Variants in SPECC1 observed in about 807,000 individuals in gnomAD.
The protein encoded by SPECC1 is cytospin-B.
In SPECC1, 62 loss-of-function variants were observed where a neutral mutation model predicts 104.1. The ratio of observed to expected loss-of-function variants is 0.60; its 90% CI spans 0.49 to 0.74. The LOEUF (loss-of-function observed/expected upper bound fraction) is 0.74. Among genes scored for constraint, SPECC1 ranks in the 30% least tolerant of loss-of-function variants. The pLI is 0.00. For missense variants in SPECC1, 1,306 were observed against 1,310.5 expected, an observed-to-expected ratio of 1.00 and a Z score of 0.05; for synonymous variants, 513 against 501.6, an observed-to-expected ratio of 1.02 and a Z score of -0.30.
intron 1 of SPECC1, among the ~76,000 whole-genome samples, chr17:20,096,397 C>A (rs1194227577): frequency 6.6e-6 from 1 of 152,080 alleles, no homozygotes; most frequent in Non-Finnish European, 1.5e-5. Flanking sequence ...GTCAGGACAT[C>A]AGTAATGTGG....
chr17:20,094,029 A>T (rs534926363), intron 1 of SPECC1, among the ~76,000 whole-genome samples: 4 of 152,080 alleles, frequency 2.6e-5, no homozygotes, highest in African/African-American at 7.2e-5. Flanking sequence ...CTCCCAGCCT[A>T]TATTGTATAT....
intron 1 of SPECC1, among the ~76,000 whole-genome samples, chr17:20,088,378 G>C (rs946487615): frequency 6.6e-6 from 1 of 152,174 alleles, no homozygotes; most frequent in Non-Finnish European, 1.5e-5. Flanking sequence ...TAGGCAAGAA[G>C]GGGCAAGAGC....
At chr17:20,265,538 G>C (rs1056350603) in intron 12 of SPECC1, among the ~76,000 whole-genome samples, 10 of 152,148 alleles carry the variant, frequency 6.6e-5, no homozygotes, top group Non-Finnish European at 1.2e-4. Context: ...CCCATTCTAT[G>C]GGTTGTCTGT....
At chr17:20,137,064 G>T (rs1407928817) in intron 3 of SPECC1, among the ~76,000 whole-genome samples, 1 of 152,202 alleles carries the variant, frequency 6.6e-6, no homozygotes, top group East Asian at 1.9e-4. Context: ...TTCACCATCG[G>T]AAACCACTCA....
intron 1 of SPECC1, among the ~76,000 whole-genome samples, chr17:20,018,668 A>C (rs2044246153): frequency 6.6e-6 from 1 of 152,248 alleles, no homozygotes; most frequent in South Asian, 2.1e-4. Flanking sequence ...AATTTATTAC[A>C]GTGAAAGGAT....
At chr17:20,236,050 C>G (rs2038890886) in intron 7 of SPECC1, among the ~76,000 whole-genome samples, 1 of 152,194 alleles carries the variant, frequency 6.6e-6, no homozygotes, top group Non-Finnish European at 1.5e-5. Flanking sequence ...CTCCAGCTAC[C>G]ATGGAGAGGG....
At chr17:20,149,528 A>G (rs1302317880) in intron 3 of SPECC1, among the ~76,000 whole-genome samples, 1 of 152,256 alleles carries the variant, frequency 6.6e-6, no homozygotes, top group East Asian at 1.9e-4. Flanking sequence ...GTGTTGTCAC[A>G]GCTCATTGCT....
rs556766395 is a variant in SPECC1 at position 20,315,297 on chromosome 17, A to G, written c.*1232A>G. 1 of 221,758 alleles carries G rather than the reference A, an allele frequency of 4.5e-6. No individual in the cohort carries two copies. The highest frequency in any genetic ancestry group is 1.8e-4 in the South Asian group (1 of 5,456). 13.7% of individuals were successfully genotyped at this position (221,758 alleles called of 1,614,324 possible). A position where few individuals can be genotyped will look rare whatever the true frequency, so the allele number is the denominator to read the frequency against. ...GTGAGGGCACATTTATAACTAACAAAGAAGAATGCAGTTGCCCCAGCATCC... is the reference window on the plus strand; with the variant it reads ...GTGAGGGCACATTTATAACTAACAAGGAAGAATGCAGTTGCCCCAGCATCC... On this transcript the variant is annotated 3_prime_UTR_variant, in exon 15 of 15. Coordinates refer to ENST00000395527, the MANE Select transcript of SPECC1 (RefSeq NM_001243439.2).
chr17:20,306,793 A>T (rs746917429), intron 14 of SPECC1, among the ~76,000 whole-genome samples: 38 of 152,252 alleles, frequency 2.5e-4, no homozygotes, highest in Non-Finnish European at 1.9e-4. Flanking sequence ...TCTTAGATGC[A>T]GGAAGCCCCT....
At chr17:20,222,004 G>A (rs2037905725) in intron 4 of SPECC1, among the ~76,000 whole-genome samples, 2 of 148,276 alleles carry the variant, frequency 1.3e-5, no homozygotes, top group Admixed American at 6.8e-5. Flanking sequence ...GAAGATACCT[G>A]ATATGATTTC....
rs1432932758 is a variant in SPECC1 at position 20,110,179 on chromosome 17, T to C, written c.148-248T>C. The stretch of plus-strand genomic sequence containing the variant: ...TTACTTGAAGTGTGACCTGATGGTA[T>C]TCTTCACGCACAGTCTTAGACACTG... On this transcript the variant is annotated intron_variant, in intron 2 of 14. Transcript: ENST00000395527. Among the ~76,000 whole-genome samples the C allele has an allele frequency of 2.6e-5, 4 of 152,222 alleles. No individual in the cohort carries two copies. In the South Asian group the frequency reaches 8.3e-4, roughly 32 times the overall value.
At position 20,107,462 on chromosome 17, in the gene SPECC1, C is replaced by CTT. The variant is rs201566147; in HGVS notation, c.148-2950_148-2949dup. Among the ~76,000 whole-genome samples the CTT allele has an allele frequency of 1.5e-3, 202 of 132,126 alleles. 3 individuals carry two copies. Among genetic ancestry groups the CTT allele is most frequent in the African/African-American group, 5.0e-3 (182 of 36,302 alleles). 86.7% of individuals were successfully genotyped at this position (132,126 alleles called of 152,430 possible). A position where few individuals can be genotyped will look rare whatever the true frequency, so the allele number is the denominator to read the frequency against. On this transcript the variant is annotated intron_variant, in intron 2 of 14. Transcript: ENST00000395527. ...TGTCTCTTCTTTTCTTTTCTTTTTTCTTTTTTTTTTTTTTTTGAGATGGAT... is the reference window on the plus strand; with the variant it reads ...TGTCTCTTCTTTTCTTTTCTTTTTTCTTTTTTTTTTTTTTTTTTGAGATGGAT...
chr17:20,221,424 C>T (rs1258959715), intron 4 of SPECC1, among the ~76,000 whole-genome samples: 1 of 152,122 alleles, frequency 6.6e-6, no homozygotes, highest in Non-Finnish European at 1.5e-5. Flanking sequence ...TCCATTTCTT[C>T]TAGGTTTTCC....
chr17:20,081,848 C>G (rs537403447), intron 1 of SPECC1, among the ~76,000 whole-genome samples: 1 of 152,220 alleles, frequency 6.6e-6, no homozygotes, highest in East Asian at 1.9e-4. Flanking sequence ...ATCAACAAAC[C>G]TTTGCTGCCC....
chr17:20,058,835 CTTTTTTTT>C (rs58811372), intron 1 of SPECC1, among the ~76,000 whole-genome samples: 9 of 103,572 alleles, frequency 8.7e-5, no homozygotes, highest in Non-Finnish European at 1.8e-4. Flanking sequence ...CACTTTATTT[CTTTTTTTT>C]TTTTTTTTTT....
chr17:20,048,963 T>C (rs2152459360), intron 1 of SPECC1, among the ~76,000 whole-genome samples: 1 of 152,086 alleles, frequency 6.6e-6, no homozygotes, highest in Non-Finnish European at 1.5e-5. Context: ...TATATTACAG[T>C]ATATAAAATT....
At chr17:20,279,373 A>G (rs1255602656) in intron 12 of SPECC1, among the ~76,000 whole-genome samples, 1 of 129,514 alleles carries the variant, frequency 7.7e-6, no homozygotes. Flanking sequence ...CCCAGGCTGG[A>G]GTGCAATGGT....
intron 9 of SPECC1, among the ~76,000 whole-genome samples, chr17:20,250,599 T>A (rs1326837787): frequency 6.6e-6 from 1 of 152,216 alleles, no homozygotes; most frequent in Non-Finnish European, 1.5e-5. Flanking sequence ...ATAATTTATA[T>A]CTTTTCCTTA....
At chr17:20,019,208 A>G (rs2044270569) in intron 1 of SPECC1, among the ~76,000 whole-genome samples, 1 of 15,764 alleles carries the variant, frequency 6.3e-5, no homozygotes, top group African/African-American at 2.0e-4. Context: ...AGACCCTATC[A>G]TTCATTTATT....
Sources: gnomAD v4.1 joint callset for allele counts (sites outside exome capture counted in the v4.1 genomes callset) on GRCh38, gnomAD v4.1.1 for gene constraint, MANE v1.5 for transcripts, NCBI Gene and HGNC (gene_info 2026-07-23, HGNC 2026-07-21) for gene names.